Variants in FAM219A observed in about 807,000 individuals in gnomAD.
FAM219A encodes the protein family with sequence similarity 219 member A.
FAM219A carries 7 observed loss-of-function variants against 23.4 expected under a neutral mutation model. The observed-to-expected ratio is 0.30, with a 90% CI of 0.17 to 0.56. FAM219A has a LOEUF of 0.56. Among genes scored for constraint, FAM219A ranks in the 20% least tolerant of loss-of-function variants. FAM219A has a pLI of 0.92. For missense variants in FAM219A, 166 were observed against 246.9 expected (o/e 0.67, Z 2.20); for synonymous variants, 93 against 99.0 (o/e 0.94, Z 0.36).
rs1294066892 is a variant in FAM219A, at chr9:34,399,658, A to C, written c.*1306T>G. ...CCTCCCCACCACAGAAATTTCTATG[A>C]AGAAACTCTTTCAGGTATAAAAGGA... On this transcript the variant is annotated 3_prime_UTR_variant, in exon 6 of 6. Transcript: ENST00000651358. 6.6e-6 allele frequency: 1 copy of C among 152,206 alleles called. No homozygotes were observed. Among genetic ancestry groups the C allele is most frequent in the Non-Finnish European group, 1.5e-5 (1 of 68,036 alleles). The allele number at this position is 152,206 out of a possible 1,614,324, so 9.4% of individuals were successfully genotyped here.
chr9:34,431,934 G>C (rs957482019), intron 1 of FAM219A, among the ~76,000 whole-genome samples: 2 of 152,222 alleles, frequency 1.3e-5, no homozygotes, highest in Non-Finnish European at 2.9e-5. Context: ...GTATAGTGCA[G>C]TGCTTAAAAG....
At chr9:34,412,013 G>A (rs1396227004) in intron 1 of FAM219A, among the ~76,000 whole-genome samples, 1 of 152,172 alleles carries the variant, frequency 6.6e-6, no homozygotes, top group Non-Finnish European at 1.5e-5. Flanking sequence ...GGAGTCAGGA[G>A]GGGGCTCAGA....
intron 1 of FAM219A, among the ~76,000 whole-genome samples, chr9:34,430,039 C>T (rs1010918467): frequency 3.3e-5 from 5 of 152,110 alleles, no homozygotes; most frequent in African/African-American, 1.2e-4. Context: ...TGGGAGATGA[C>T]ATAATTGTCT....
chr9:34,456,888 T>C (rs1823751071), intron 1 of FAM219A, among the ~76,000 whole-genome samples: 1 of 152,130 alleles, frequency 6.6e-6, no homozygotes, highest in African/African-American at 2.4e-5. Context: ...CTCTCTACCA[T>C]CCCTCAAAAG....
At chr9:34,448,231 G>T (rs1207005194) in intron 1 of FAM219A, among the ~76,000 whole-genome samples, 1 of 152,180 alleles carries the variant, frequency 6.6e-6, no homozygotes, top group African/African-American at 2.4e-5. Context: ...GAAACAGATT[G>T]CTTGGCTGGC....
intron 1 of FAM219A, among the ~76,000 whole-genome samples, chr9:34,443,994 T>G (rs1369281104): frequency 6.6e-6 from 1 of 152,208 alleles, no homozygotes; most frequent in Non-Finnish European, 1.5e-5. Flanking sequence ...CCTCCCTGAC[T>G]CCACATAATT....
intron 1 of FAM219A, among the ~76,000 whole-genome samples, chr9:34,415,979 C>T (rs1455354514): frequency 6.6e-6 from 1 of 151,890 alleles, no homozygotes; most frequent in African/African-American, 2.4e-5. Context: ...TATAAGAAAC[C>T]CAGCCTAGGC....
chr9:34,418,116 AC>A (rs1822101781), intron 1 of FAM219A, among the ~76,000 whole-genome samples: 1 of 151,996 alleles, frequency 6.6e-6, no homozygotes, highest in Non-Finnish European at 1.5e-5. Flanking sequence ...CTATTACCCT[AC>A]CTATTATTTA....
intron 1 of FAM219A, among the ~76,000 whole-genome samples, chr9:34,450,933 C>T (rs1232775901): frequency 6.6e-6 from 1 of 152,128 alleles, no homozygotes; most frequent in Non-Finnish European, 1.5e-5. Context: ...GCTGTATGTC[C>T]CCTCTTGCAT....
chr9:34,447,281 G>C (rs1419007224), intron 1 of FAM219A, among the ~76,000 whole-genome samples: 1 of 152,204 alleles, frequency 6.6e-6, no homozygotes. Flanking sequence ...TTCCAGATAT[G>C]TTCTGAGTTC....
At position 34,398,592 on chromosome 9, in the gene FAM219A, G is replaced by C. The variant is rs904314569; in HGVS notation, c.*2372C>G. On this transcript the variant is annotated 3_prime_UTR_variant, in exon 6 of 6. Coordinates refer to ENST00000651358, the MANE Select transcript of FAM219A (RefSeq NM_001184940.2). ...GGAACTAGTATGTCCTGTGGGGGGGGAGATTTTCCCTGGTGTCTCAGGGCC... is the reference window on the plus strand; with the variant it reads ...GGAACTAGTATGTCCTGTGGGGGGGCAGATTTTCCCTGGTGTCTCAGGGCC... The C allele has an allele frequency of 8.7e-6, 5 of 571,852 alleles. No individual in the cohort carries two copies. Among genetic ancestry groups the C allele is most frequent in the Admixed American group, 6.0e-5 (2 of 33,232 alleles). The allele number at this position is 571,852 out of a possible 1,614,324, so 35.4% of individuals were successfully genotyped here.
chr9:34,430,313 G>A (rs1057104539), intron 1 of FAM219A, among the ~76,000 whole-genome samples: 4 of 152,030 alleles, frequency 2.6e-5, no homozygotes, highest in African/African-American at 9.7e-5. Flanking sequence ...TGGATCTCTT[G>A]AGCCCAGGAG....
chr9:34,451,810 C>A (rs10972122), intron 1 of FAM219A, among the ~76,000 whole-genome samples: 2,859 of 152,286 alleles, frequency 0.019, 84 homozygotes, highest in East Asian at 0.12. Flanking sequence ...GTACACCTTG[C>A]CTGGAAGAAA....
chr9:34,419,463 G>A (rs1467042145), intron 1 of FAM219A, among the ~76,000 whole-genome samples: 1 of 152,142 alleles, frequency 6.6e-6, no homozygotes, highest in Non-Finnish European at 1.5e-5. Flanking sequence ...GCACAGTCCA[G>A]AGGATCTTTC....
intron 1 of FAM219A, among the ~76,000 whole-genome samples, chr9:34,421,723 A>G (rs968401297): frequency 1.4e-5 from 2 of 141,360 alleles, no homozygotes; most frequent in African/African-American, 2.7e-5. Context: ...TACAACCTCT[A>G]CCTCTTCTAG....
intron 1 of FAM219A, among the ~76,000 whole-genome samples, chr9:34,439,196 T>G (rs1181943307): frequency 1.3e-5 from 2 of 152,208 alleles, no homozygotes; most frequent in Non-Finnish European, 2.9e-5. Flanking sequence ...ACTGTAACAC[T>G]CACCGCGAGG....
intron 1 of FAM219A, among the ~76,000 whole-genome samples, chr9:34,421,167 C>A (rs1306645426): frequency 6.6e-6 from 1 of 151,980 alleles, no homozygotes; most frequent in African/African-American, 2.4e-5. Context: ...GGCCTGGGGG[C>A]CAGCCTGGGG....
intron 1 of FAM219A, among the ~76,000 whole-genome samples, chr9:34,437,914 G>A (rs996537284): frequency 6.6e-6 from 1 of 152,256 alleles, no homozygotes. Context: ...AGCTTGCAGG[G>A]AGGTGTGGAG....
intron 2 of FAM219A, among the ~76,000 whole-genome samples, chr9:34,404,425 A>G (rs1434171690): frequency 6.6e-6 from 1 of 152,222 alleles, no homozygotes; most frequent in Non-Finnish European, 1.5e-5. Context: ...AAACAATAAT[A>G]GGCTGGGTAT....
Sources: gnomAD v4.1 joint callset for allele counts (sites outside exome capture counted in the v4.1 genomes callset) on GRCh38, gnomAD v4.1.1 for gene constraint, MANE v1.5 for transcripts, NCBI Gene and HGNC (gene_info 2026-07-23, HGNC 2026-07-21) for gene names.